The following KCNQ1OT1 variants were observed in gnomAD, a reference collection of about 807,000 sequenced individuals.
The protein encoded by KCNQ1OT1 is KCNQ1 antisense RNA 2 (non-protein coding).
chr11:2,662,877 G>A (rs1320438098), exon 1 of KCNQ1OT1: 1 of 398,734 alleles, frequency 2.5e-6, no homozygotes, highest in South Asian at 1.3e-4. Context: ...TTTTCTAAAG[G>A]GTGTTTTGTT....
chr11:2,611,816 T>C lies in KCNQ1OT1; in HGVS notation n.88179A>G, dbSNP rs182675150. 137 of 398,522 alleles carry C rather than the reference T, an allele frequency of 3.4e-4. 1 individual carries two copies. The highest frequency in any genetic ancestry group is 2.7e-3 in the African/African-American group (131 of 48,752). The allele number at this position is 398,522 out of a possible 1,614,324, so 24.7% of individuals were successfully genotyped here. A position where few individuals can be genotyped will look rare whatever the true frequency, so the allele number is the denominator to read the frequency against. ...TTCCTCCTTTACTGCCTTCTGCAGG[T>C]TGAATAGATATGTTCTAGAGTACCA... On this transcript the variant is annotated non_coding_transcript_exon_variant, in exon 1 of 1. Coordinates refer to ENST00000597346, the Ensembl canonical transcript of KCNQ1OT1. This position sits in a 1 kb window ranked among gnomAD's most constrained non-coding sequence, Gnocchi z 5.3.
chr11:2,628,701 A>C, exon 1 of KCNQ1OT1: 1 of 398,406 alleles, frequency 2.5e-6, no homozygotes, highest in Non-Finnish European at 4.4e-6. Context: ...CATCTAAAAA[A>C]TTGTCACAAA....
rs1850182418 is a variant in KCNQ1OT1 at position 2,671,463 on chromosome 11, G to A, written n.28532C>T. 2.5e-6 allele frequency: 1 copy of A among 398,486 alleles called. No homozygotes were observed. The highest frequency in any genetic ancestry group is 2.1e-5 in the African/African-American group (1 of 48,626). The allele number at this position is 398,486 out of a possible 1,614,324, so 24.7% of individuals were successfully genotyped here. On this transcript the variant is annotated non_coding_transcript_exon_variant, in exon 1 of 1. Coordinates refer to ENST00000597346, the Ensembl canonical transcript of KCNQ1OT1. This position sits in a 1 kb window ranked among gnomAD's most constrained non-coding sequence, Gnocchi z 4.7. ...AGCAGGCAGAAGAGCAACCCAGCAG[G>A]GGATATACACAAAGATCTGAGAAAG...
At chr11:2,686,340 C>G (rs1850489520) in exon 1 of KCNQ1OT1, 1 of 398,608 alleles carries the variant, frequency 2.5e-6, no homozygotes, top group South Asian at 1.3e-4. Context: ...CTGTTCCAAG[C>G]TGGGGGAGGA....
At chr11:2,656,381 T>C (rs2133849276) in exon 1 of KCNQ1OT1, 2 of 398,674 alleles carry the variant, frequency 5.0e-6, no homozygotes, top group Non-Finnish European at 4.4e-6. Flanking sequence ...CCCTGGTCTC[T>C]CTAAGGATGT....
rs1849268926 is a variant in KCNQ1OT1, at chr11:2,626,778, T to C, written n.73217A>G. The C allele has an allele frequency of 5.0e-6, 2 of 398,468 alleles. No homozygotes were observed. The highest frequency in any genetic ancestry group is 2.1e-5 in the African/African-American group (1 of 48,616). 24.7% of individuals were successfully genotyped at this position (398,468 alleles called of 1,614,324 possible). ...TCCTGGACTCAGAAGTCCTCCCACCTCAGCCTTCAAAAGTGCTGAGATTAC... is the reference window on the plus strand; with the variant it reads ...TCCTGGACTCAGAAGTCCTCCCACCCCAGCCTTCAAAAGTGCTGAGATTAC... On this transcript the variant is annotated non_coding_transcript_exon_variant, in exon 1 of 1. Coordinates refer to ENST00000597346, the Ensembl canonical transcript of KCNQ1OT1. The surrounding 1 kb of genome is among the most constrained non-coding windows in gnomAD (Gnocchi z 4.0).
Position 2,669,207 on chromosome 11 carries a change from C to T in KCNQ1OT1, n.30788G>A. On this transcript the variant is annotated non_coding_transcript_exon_variant, in exon 1 of 1. Coordinates refer to ENST00000597346, the Ensembl canonical transcript of KCNQ1OT1. The surrounding 1 kb of genome is among the most constrained non-coding windows in gnomAD (Gnocchi z 5.6). ...CTTCCTTCTCACTGTAGTTTGCTAACAGGTTTTGACAGCTGGTCCTGCTGG... is the reference window on the plus strand; with the variant it reads ...CTTCCTTCTCACTGTAGTTTGCTAATAGGTTTTGACAGCTGGTCCTGCTGG... 2 of 398,700 alleles carry T rather than the reference C, an allele frequency of 5.0e-6. No individual in the cohort carries two copies. The highest frequency in any genetic ancestry group is 8.8e-6 in the Non-Finnish European group (2 of 226,118). The allele number at this position is 398,700 out of a possible 1,614,324, so 24.7% of individuals were successfully genotyped here. A position where few individuals can be genotyped will look rare whatever the true frequency, so the allele number is the denominator to read the frequency against.
chr11:2,695,669 G>A lies in KCNQ1OT1; in HGVS notation n.4326C>T, dbSNP rs1179725638. 2.5e-6 allele frequency: 1 copy of A among 398,488 alleles called. No homozygotes were observed. The highest frequency in any genetic ancestry group is 2.1e-5 in the African/African-American group (1 of 48,612). The allele number at this position is 398,488 out of a possible 1,614,324, so 24.7% of individuals were successfully genotyped here. ...GGTATAAAATATTTTATTTGAGGAA[G>A]AAGTGTTGGCCAGCTCTTCAGAACG... On this transcript the variant is annotated non_coding_transcript_exon_variant, in exon 1 of 1. Coordinates refer to ENST00000597346, the Ensembl canonical transcript of KCNQ1OT1. The surrounding 1 kb of genome is among the most constrained non-coding windows in gnomAD (Gnocchi z 5.2).
Position 2,644,228 on chromosome 11 carries a change from G to GTCACC in KCNQ1OT1, n.55762_55766dup, listed in dbSNP as rs369684558. On this transcript the variant is annotated non_coding_transcript_exon_variant, in exon 1 of 1. Transcript: ENST00000597346. ...CTTCACCTTCTGGGACACTGAAGGT[G>GTCACC]TCACCTTATGGCATCCTATAGTCAC... 742 of 398,474 alleles carry GTCACC rather than the reference G, an allele frequency of 1.9e-3. 3 individuals carry two copies. The highest frequency in any genetic ancestry group is 0.014 in the African/African-American group (666 of 48,724). The allele number at this position is 398,474 out of a possible 1,614,324, so 24.7% of individuals were successfully genotyped here. A position where few individuals can be genotyped will look rare whatever the true frequency, so the allele number is the denominator to read the frequency against.
At chr11:2,644,215 G>T (rs1849628558) in exon 1 of KCNQ1OT1, 2 of 398,118 alleles carry the variant, frequency 5.0e-6, no homozygotes, top group Non-Finnish European at 8.8e-6. Flanking sequence ...TCACCTTCTG[G>T]GACACTGAAG....
chr11:2,685,347 T>G, exon 1 of KCNQ1OT1: 1 of 398,582 alleles, frequency 2.5e-6, no homozygotes, highest in Non-Finnish European at 4.4e-6. Flanking sequence ...TCATGGAGGG[T>G]ACATGGGCAG....
exon 1 of KCNQ1OT1, chr11:2,656,661 G>A (rs1039982001): frequency 5.0e-6 from 2 of 397,826 alleles, no homozygotes; most frequent in Non-Finnish European, 8.9e-6. Context: ...GGAGTCCTTT[G>A]CATTTTGTGG....
At chr11:2,631,626 T>C (rs1849354453) in exon 1 of KCNQ1OT1, 2 of 398,604 alleles carry the variant, frequency 5.0e-6, no homozygotes, top group South Asian at 2.6e-4. Context: ...AGGTGGGTGC[T>C]ATGTTTCCTT....
chr11:2,694,231 G>A (rs949740755), exon 1 of KCNQ1OT1: 12 of 398,588 alleles, frequency 3.0e-5, no homozygotes, highest in Non-Finnish European at 5.3e-5. Context: ...GTTAGATGTG[G>A]CAGGATGCAA....
At chr11:2,638,007 CTTTT>C (rs943117728) in exon 1 of KCNQ1OT1, 2 of 152,104 alleles carry the variant, frequency 1.3e-5, no homozygotes, top group Non-Finnish European at 2.9e-5. Context: ...CAACCCCTGC[CTTTT>C]TTTATTTTCC....
exon 1 of KCNQ1OT1, chr11:2,665,464 G>C (rs2283180): frequency 0.013 from 5,093 of 396,786 alleles, 158 homozygotes; most frequent in East Asian, 0.08. Flanking sequence ...GCACGACAGT[G>C]GGTGGGGACG....
Position 2,627,636 on chromosome 11 carries a change from T to G in KCNQ1OT1, n.72359A>C, listed in dbSNP as rs1849282431. The G allele has an allele frequency of 2.5e-6, 1 of 398,508 alleles. No individual in the cohort carries two copies. The highest frequency in any genetic ancestry group is 4.4e-6 in the Non-Finnish European group (1 of 226,076). The allele number at this position is 398,508 out of a possible 1,614,324, so 24.7% of individuals were successfully genotyped here. On this transcript the variant is annotated non_coding_transcript_exon_variant, in exon 1 of 1. Transcript: ENST00000597346. The surrounding 1 kb of genome is among the most constrained non-coding windows in gnomAD (Gnocchi z 4.9). Reference sequence around the variant, plus strand: ...TGTCATAAATTGCATGATTTCCTGCTTTTTAAAGGATGAATATTTCATTGT... The same window carrying G: ...TGTCATAAATTGCATGATTTCCTGCGTTTTAAAGGATGAATATTTCATTGT...
exon 1 of KCNQ1OT1, chr11:2,628,155 A>G (rs974434471): frequency 3.8e-5 from 15 of 398,506 alleles, no homozygotes; most frequent in Non-Finnish European, 5.8e-5. Context: ...TATACCCGGA[A>G]CTGAGACTGC....
chr11:2,682,176 T>C lies in KCNQ1OT1; in HGVS notation n.17819A>G, dbSNP rs1294163439. Reference sequence around the variant, plus strand: ...GTATTAAACATATCAAGCTCTCTCCTGACCTTCTCTCCCCTTCCCCAGGCC... The same window carrying C: ...GTATTAAACATATCAAGCTCTCTCCCGACCTTCTCTCCCCTTCCCCAGGCC... On this transcript the variant is annotated non_coding_transcript_exon_variant, in exon 1 of 1. Transcript: ENST00000597346. This position sits in a 1 kb window ranked among gnomAD's most constrained non-coding sequence, Gnocchi z 5.8. 5.0e-6 allele frequency: 2 copies of C among 398,514 alleles called. No homozygotes were observed. Among genetic ancestry groups the C allele is most frequent in the East Asian group, 7.1e-5 (2 of 28,090 alleles). 24.7% of individuals were successfully genotyped at this position (398,514 alleles called of 1,614,324 possible). A position where few individuals can be genotyped will look rare whatever the true frequency, so the allele number is the denominator to read the frequency against.
Sources: allele counts gnomAD v4.1 joint callset, GRCh38; gene constraint gnomAD v4.1.1; non-coding constraint Gnocchi (gnomAD v3.1); transcripts MANE v1.5; gene names NCBI Gene and HGNC (gene_info 2026-07-23, HGNC 2026-07-21).